The following GSE1 variants were observed in gnomAD, a reference collection of about 807,000 sequenced individuals.
The protein encoded by GSE1 is genetic suppressor element 1.
Under a neutral mutation model 112.6 loss-of-function variants are expected in GSE1, and 32 were observed. That is an observed-to-expected ratio of 0.28 (90% CI 0.21 to 0.38). GSE1 has a LOEUF of 0.38. Among genes scored for constraint, GSE1 ranks in the 10% least tolerant of loss-of-function variants. GSE1 has a pLI of 1.00. For synonymous variants in GSE1, 1,115 were observed against 735.6 expected (o/e 1.52, Z -8.35); for missense variants, 2,348 against 1,699.2 (o/e 1.38, Z -6.71).
chr16:85,295,210 A>C (rs954575018), intron 1 of GSE1, among the ~76,000 whole-genome samples: 5 of 152,180 alleles, frequency 3.3e-5, no homozygotes, highest in Admixed American at 6.5e-5. Flanking sequence ...GGGCCTCCGC[A>C]CACACCGGTC....
intron 1 of GSE1, among the ~76,000 whole-genome samples, chr16:85,352,643 G>A (rs1439647413): frequency 6.6e-6 from 1 of 152,246 alleles, no homozygotes; most frequent in East Asian, 1.9e-4. Flanking sequence ...AGAAGGATAA[G>A]GAAGGGGGGC....
intron 2 of GSE1, among the ~76,000 whole-genome samples, chr16:85,410,999 C>G (rs2048519250): frequency 3.2e-5 from 3 of 93,362 alleles, no homozygotes; most frequent in Non-Finnish European, 5.8e-5. Flanking sequence ...ATAATCCTCA[C>G]TGTTACACTC....
intron 1 of GSE1, among the ~76,000 whole-genome samples, chr16:85,196,218 G>A (rs1019188936): frequency 7.9e-5 from 12 of 152,154 alleles, no homozygotes; most frequent in Admixed American, 6.5e-4. Flanking sequence ...TCATTGTCTC[G>A]ACCTGAGTGA....
chr16:85,520,393 C>A (rs961137591), intron 2 of GSE1, among the ~76,000 whole-genome samples: 2 of 151,728 alleles, frequency 1.3e-5, no homozygotes, highest in African/African-American at 2.4e-5. Flanking sequence ...AGAAGACATG[C>A]AGGGTCTTGG....
At chr16:85,394,202 G>T (rs2047915308) in intron 2 of GSE1, among the ~76,000 whole-genome samples, 1 of 152,118 alleles carries the variant, frequency 6.6e-6, no homozygotes, top group African/African-American at 2.4e-5. Context: ...GGGCTGGAGG[G>T]TGGGAGGCAG....
intron 3 of GSE1, among the ~76,000 whole-genome samples, chr16:85,652,350 C>G (rs1421494995): frequency 6.6e-6 from 1 of 152,240 alleles, no homozygotes; most frequent in East Asian, 1.9e-4. Context: ...GACCCCAAGG[C>G]CAGGCGCTGG....
At chr16:85,224,785 C>T (rs918496607) in intron 1 of GSE1, among the ~76,000 whole-genome samples, 14 of 148,714 alleles carry the variant, frequency 9.4e-5, no homozygotes, top group Non-Finnish European at 1.3e-4. Context: ...GTCAGGAGTT[C>T]GAGACCAGCC....
intron 2 of GSE1, among the ~76,000 whole-genome samples, chr16:85,421,202 C>G (rs1358126324): frequency 2.0e-5 from 3 of 152,122 alleles, no homozygotes; most frequent in Non-Finnish European, 4.4e-5. Context: ...AAGCAGGCAC[C>G]CTCCTGTCTC....
At chr16:85,525,505 G>A (rs1320083966) in intron 2 of GSE1, among the ~76,000 whole-genome samples, 1 of 152,224 alleles carries the variant, frequency 6.6e-6, no homozygotes, top group African/African-American at 2.4e-5. Flanking sequence ...TGCTCATGAT[G>A]CCCAGCCAGC....
At chr16:85,291,149 C>G (rs1221725191) in intron 1 of GSE1, among the ~76,000 whole-genome samples, 1 of 152,222 alleles carries the variant, frequency 6.6e-6, no homozygotes, top group Non-Finnish European at 1.5e-5. Context: ...GAAGGGGAAA[C>G]TGAGGCATGT....
intron 2 of GSE1, among the ~76,000 whole-genome samples, chr16:85,370,836 C>G (rs1482203994): frequency 6.6e-6 from 1 of 152,220 alleles, no homozygotes; most frequent in Non-Finnish European, 1.5e-5. Context: ...TGGGTTTTCT[C>G]TGCTGCCCAC....
At chr16:85,274,118 G>A (rs951438008) in intron 1 of GSE1, among the ~76,000 whole-genome samples, 3 of 151,134 alleles carry the variant, frequency 2.0e-5, no homozygotes, top group Admixed American at 6.6e-5. Flanking sequence ...GGGCACGGAG[G>A]CTCACTCCTG....
In GSE1 at chr16:85,478,923, C is replaced by T. The variant is rs969365181; in HGVS notation, c.2464+121280C>T. On this transcript the variant is annotated intron_variant, in intron 2 of 2. Transcript: ENST00000637419. ...TCTTTCTTTCTTTCTTTCTTTCTTT[C>T]TTTCTCTTTCTTTCTTTCTTTCTTT... 8.6e-3 allele frequency among the ~76,000 whole-genome samples: 324 copies of T among 37,488 alleles called. 3 individuals are homozygous for T. The highest frequency in any genetic ancestry group is 0.018 in the African/African-American group (116 of 6,420). 24.6% of individuals were successfully genotyped at this position (37,488 alleles called of 152,430 possible). A position where few individuals can be genotyped will look rare whatever the true frequency, so the allele number is the denominator to read the frequency against.
At chr16:85,579,528 G>A (rs73269275) in intron 1 of GSE1, among the ~76,000 whole-genome samples, 4,547 of 152,280 alleles carry the variant, frequency 0.03, 204 homozygotes, top group African/African-American at 0.098. Context: ...CTCACAGGCC[G>A]GGCAGGCAGG....
intron 1 of GSE1, among the ~76,000 whole-genome samples, chr16:85,270,908 A>G (rs1484417710): frequency 6.6e-6 from 1 of 152,194 alleles, no homozygotes; most frequent in South Asian, 2.1e-4. Flanking sequence ...CGGTGCAGGC[A>G]CACAGACCTG....
At chr16:85,509,955 T>C (rs546454006) in intron 2 of GSE1, among the ~76,000 whole-genome samples, 2 of 152,336 alleles carry the variant, frequency 1.3e-5, no homozygotes, top group African/African-American at 4.8e-5. Flanking sequence ...TGATTCAATT[T>C]AGCACAAATT....
At chr16:85,371,966 G>A (rs1291843849) in intron 2 of GSE1, among the ~76,000 whole-genome samples, 1 of 152,232 alleles carries the variant, frequency 6.6e-6, no homozygotes, top group East Asian at 1.9e-4. Context: ...CAGAGAGGGA[G>A]AGGAAGCGTG....
At chr16:85,671,332 T>G (rs1029394840) in intron 15 of GSE1, among the ~76,000 whole-genome samples, 1 of 148,982 alleles carries the variant, frequency 6.7e-6, no homozygotes, top group Non-Finnish European at 1.5e-5. Flanking sequence ...CCCAGCTACT[T>G]GGGAGGCTGA....
chr16:85,468,615 C>T (rs1028060788), intron 2 of GSE1, among the ~76,000 whole-genome samples: 2 of 151,986 alleles, frequency 1.3e-5, no homozygotes, highest in African/African-American at 2.4e-5. Flanking sequence ...AGACACCACC[C>T]CCAGCCCTCG....
Sources: gnomAD v4.1 joint callset for allele counts (sites outside exome capture counted in the v4.1 genomes callset) on GRCh38, gnomAD v4.1.1 for gene constraint, MANE v1.5 for transcripts, NCBI Gene and HGNC (gene_info 2026-07-23, HGNC 2026-07-21) for gene names.